Variants in MED28 observed in about 807,000 individuals in gnomAD.
MED28 encodes the protein mediator complex subunit 28.
MED28 carries 26 observed loss-of-function variants against 21.3 expected under a neutral mutation model. The observed-to-expected ratio is 1.22, with a 90% CI of 0.89 to 1.69. MED28 has a LOEUF of 1.69. Ranked by LOEUF, MED28 falls within the 40% of genes most tolerant of loss-of-function variation. MED28 has a pLI of 0.00. For synonymous variants in MED28, 110 were observed against 87.6 expected (o/e 1.26, Z -1.43); for missense variants, 257 against 215.4 (o/e 1.19, Z -1.21).
chr4:17,619,886 G>A lies in MED28; in HGVS notation c.160-15G>A, dbSNP rs377397580. 1.1e-4 allele frequency: 178 copies of A among 1,612,872 alleles called. No homozygotes were observed. In the South Asian group the frequency reaches 1.8e-3, roughly 16 times the overall value. On this transcript the variant is annotated splice_polypyrimidine_tract_variant and intron_variant, in intron 1 of 3. Transcript: ENST00000237380. ...TAAATGATATTTTTTTCTTTCCTAT[G>A]TTTTGATTACACAGGCTTGCTTTGC...
intron 2 of MED28, among the ~76,000 whole-genome samples, chr4:17,620,895 A>G (rs2108917239): frequency 6.6e-6 from 1 of 150,654 alleles, no homozygotes; most frequent in African/African-American, 2.4e-5. Context: ...TTTTGTGGAG[A>G]TGGGATCTTG....
At chr4:17,620,042 T>G (rs763966436) in intron 2 of MED28, 75 bp downstream of exon 2, 1 of 1,301,850 alleles carries the variant, frequency 7.7e-7, no homozygotes, top group Non-Finnish European at 1.1e-6. Context: ...ATACTTCATG[T>G]GTTTCAGTCC....
At chr4:17,621,171 G>T (rs1714618362) in intron 2 of MED28, among the ~76,000 whole-genome samples, 1 of 151,958 alleles carries the variant, frequency 6.6e-6, no homozygotes, top group East Asian at 1.9e-4. Flanking sequence ...GTTCCACCAC[G>T]CCCAGCTAAT....
Position 17,621,719 on chromosome 4 carries a change from C to G in MED28, c.339+20C>G. On this transcript the variant is annotated intron_variant, in intron 3 of 3. Transcript: ENST00000237380. ...AAAGAGGTATGAACTCAGTTTTCTCCTCAGCTCTATAGGAAGAACTAAGTG... is the reference window on the plus strand; with the variant it reads ...AAAGAGGTATGAACTCAGTTTTCTCGTCAGCTCTATAGGAAGAACTAAGTG... The G allele has an allele frequency of 6.6e-7, 1 of 1,508,152 alleles. No individual in the cohort carries two copies. Among genetic ancestry groups the G allele is most frequent in the Non-Finnish European group, 9.2e-7 (1 of 1,089,928 alleles). The allele number at this position is 1,508,152 out of a possible 1,614,324, so 93.4% of individuals were successfully genotyped here.
intron 3 of MED28, among the ~76,000 whole-genome samples, chr4:17,622,481 T>A (rs1468617993): frequency 6.6e-6 from 1 of 152,202 alleles, no homozygotes; most frequent in Non-Finnish European, 1.5e-5. Flanking sequence ...CAAGACTGGA[T>A]GGTTAGTAAA....
At position 17,614,681 on chromosome 4, in the gene MED28, T is replaced by C. The variant is rs770020452; in HGVS notation, c.27T>C (p.Phe9=). Residue 9 remains phenylalanine (F), a synonymous_variant, in exon 1 of 4, where the codon TTT becomes TTC. Coordinates refer to ENST00000237380, the MANE Select transcript of MED28 (RefSeq NM_025205.5). Reference sequence around the variant, plus strand: ...TGGCGGCTCCACTAGGGGGTATGTTTTCTGGGCAGCCACCCGGTCCCCCTC... The same window carrying C: ...TGGCGGCTCCACTAGGGGGTATGTTCTCTGGGCAGCCACCCGGTCCCCCTC... MAAPLGGM[F]SGQPPGPPQA... 6.2e-7 allele frequency: 1 copy of C among 1,613,396 alleles called. No individual in the cohort carries two copies. The highest frequency in any genetic ancestry group is 8.5e-7 in the Non-Finnish European group (1 of 1,179,880).
chr4:17,618,923 C>T (rs1265731560), intron 1 of MED28, among the ~76,000 whole-genome samples: 3 of 152,220 alleles, frequency 2.0e-5, no homozygotes, highest in Non-Finnish European at 4.4e-5. Flanking sequence ...GCGGGAGCTG[C>T]AGGCAGGCAG....
intron 3 of MED28, among the ~76,000 whole-genome samples, chr4:17,621,902 C>CA (rs1714646987): frequency 6.6e-6 from 1 of 152,196 alleles, no homozygotes; most frequent in South Asian, 2.1e-4. Context: ...AGCAGAGTGT[C>CA]AGACGGAACA....
rs1368949825 is a variant in MED28, at chr4:17,623,667, C to T, written c.406C>T (p.Leu136=). ...ACTAGTCCAGAAGCACTTGACAAAGCTGAGGCATTGGCAGCAGGTGCTGGA... is the reference window on the plus strand; with the variant it reads ...ACTAGTCCAGAAGCACTTGACAAAGTTGAGGCATTGGCAGCAGGTGCTGGA... ...DALVQKHLTK[L]RHWQQVLEDI... Residue 136 remains leucine, a synonymous_variant, in exon 4 of 4, where the codon CTG becomes TTG. Coordinates refer to ENST00000237380, the MANE Select transcript of MED28 (RefSeq NM_025205.5). The T allele has an allele frequency of 6.2e-7, 1 of 1,614,104 alleles. No individual in the cohort carries two copies. Among genetic ancestry groups the T allele is most frequent in the African/African-American group, 1.3e-5 (1 of 74,944 alleles).
intron 3 of MED28, among the ~76,000 whole-genome samples, chr4:17,622,029 C>CT (rs771945466): frequency 1.1e-4 from 17 of 152,332 alleles, no homozygotes; most frequent in Admixed American, 2.6e-4. Flanking sequence ...TGGACAAAAA[C>CT]TGAGATCTGT....
rs768635617 is a variant in MED28, at chr4:17,619,938, A to G, written c.197A>G (p.Asn66Ser). 59 of 1,614,046 alleles carry G rather than the reference A, an allele frequency of 3.7e-5. No homozygotes were observed. The highest frequency in any genetic ancestry group is 8.0e-5 in the African/African-American group (6 of 74,922). The change falls in exon 2 of 4, where the codon AAT (asparagine) becomes AGT (serine). Residue 66 changes from asparagine to serine, a missense_variant. Asn to Ser is a conservative substitution (Grantham distance 46, BLOSUM62 1). Transcript: ENST00000237380. Reference sequence around the variant, plus strand: ...TCTCTGGTGAGTCAGGACTATGTCAATGGCACCGATCAGGAAGAAATTCGA... The same window carrying G: ...TCTCTGGTGAGTCAGGACTATGTCAGTGGCACCGATCAGGAAGAAATTCGA... ...FASLVSQDYVNGTDQEEIRTG... is the reference protein window; with the variant it reads ...FASLVSQDYVSGTDQEEIRTG...
At position 17,630,825 on chromosome 4, in the gene MED28, CTTTCTA is replaced by C. The variant is rs1321169094; in HGVS notation, c.*7034_*7039del. The C allele has an allele frequency of 2.6e-5, 4 of 151,262 alleles. No homozygotes were observed. The highest frequency in any genetic ancestry group is 4.9e-5 in the African/African-American group (2 of 41,104). The allele number at this position is 151,262 out of a possible 1,614,324, so 9.4% of individuals were successfully genotyped here. ...GTGATTGAGGTTAATGTGAACTGAA[CTTTCTA>C]TTTCTAAGCTGTCTTCATCTAATTT... On this transcript the variant is annotated 3_prime_UTR_variant, in exon 4 of 4. Transcript: ENST00000237380.
In MED28 at chr4:17,631,504, C is replaced by T. The variant is rs1426425091; in HGVS notation, c.*7706C>T. 6.6e-6 allele frequency: 1 copy of T among 152,130 alleles called. No individual in the cohort carries two copies. Among genetic ancestry groups the T allele is most frequent in the Non-Finnish European group, 1.5e-5 (1 of 68,026 alleles). 9.4% of individuals were successfully genotyped at this position (152,130 alleles called of 1,614,324 possible). A position where few individuals can be genotyped will look rare whatever the true frequency, so the allele number is the denominator to read the frequency against. ...TTCAAAGAACAGATAATCTAGAGACCTTCACAAGTGATCATGTTGGCACTA... is the reference window on the plus strand; with the variant it reads ...TTCAAAGAACAGATAATCTAGAGACTTTCACAAGTGATCATGTTGGCACTA... On this transcript the variant is annotated 3_prime_UTR_variant, in exon 4 of 4. Coordinates refer to ENST00000237380, the MANE Select transcript of MED28 (RefSeq NM_025205.5).
intron 1 of MED28, 94 bp downstream of exon 1, chr4:17,614,907 A>G (rs1391787263): frequency 5.0e-6 from 7 of 1,395,196 alleles, no homozygotes; most frequent in South Asian, 2.9e-5. Flanking sequence ...GATCCGAGCA[A>G]CTAATTCACA....
At chr4:17,620,096 A>C (rs1056632315) in intron 2 of MED28, 129 bp downstream of exon 2, 2 of 804,250 alleles carry the variant, frequency 2.5e-6, no homozygotes, top group Non-Finnish European at 4.2e-6. Flanking sequence ...AAATGTGTGC[A>C]CATAATCTCT....
At position 17,626,215 on chromosome 4, in the gene MED28, C is replaced by T. The variant is rs568579433; in HGVS notation, c.*2417C>T. 6.5e-6 allele frequency: 1 copy of T among 152,816 alleles called. No individual in the cohort carries two copies. The highest frequency in any genetic ancestry group is 2.4e-5 in the African/African-American group (1 of 41,536). The allele number at this position is 152,816 out of a possible 1,614,324, so 9.5% of individuals were successfully genotyped here. ...TCGTGCCATTGCACTCCATCCTGGGCTACAAGAGTGAAACTCCGTCTCAAA... is the reference window on the plus strand; with the variant it reads ...TCGTGCCATTGCACTCCATCCTGGGTTACAAGAGTGAAACTCCGTCTCAAA... On this transcript the variant is annotated 3_prime_UTR_variant, in exon 4 of 4. Transcript: ENST00000237380.
Position 17,624,038 on chromosome 4 carries a change from G to C in MED28, c.*240G>C. 2.0e-6 allele frequency: 1 copy of C among 506,952 alleles called. No individual in the cohort carries two copies. The highest frequency in any genetic ancestry group is 3.5e-6 in the Non-Finnish European group (1 of 282,532). 31.4% of individuals were successfully genotyped at this position (506,952 alleles called of 1,614,324 possible). On this transcript the variant is annotated 3_prime_UTR_variant, in exon 4 of 4. Transcript: ENST00000237380. ...GTATTTTTTTTTTGTCTTTAGCAAA[G>C]TTTAGACTGTGAATATGATGACACA...
intron 1 of MED28, among the ~76,000 whole-genome samples, chr4:17,618,033 A>G (rs1389120278): frequency 1.8e-5 from 2 of 111,504 alleles, no homozygotes; most frequent in Non-Finnish European, 3.5e-5. Context: ...TTTTTTTGAG[A>G]CAGAGTCTCA....
Position 17,632,648 on chromosome 4 carries a change from T to C in MED28, c.*8850T>C. The C allele has an allele frequency of 6.7e-7, 1 of 1,485,982 alleles. No individual in the cohort carries two copies. Among genetic ancestry groups the C allele is most frequent in the African/African-American group, 1.4e-5 (1 of 71,670 alleles). 92.0% of individuals were successfully genotyped at this position (1,485,982 alleles called of 1,614,324 possible). On this transcript the variant is annotated 3_prime_UTR_variant, in exon 4 of 4. Transcript: ENST00000237380. ...GTCCTAAAAGCAAAAAAAGGTTTTT[T>C]TATATGGTTTTGAAAACTATGCAAG...
Sources: allele counts gnomAD v4.1 joint callset (sites outside exome capture counted in the v4.1 genomes callset), GRCh38; gene constraint gnomAD v4.1.1; transcripts MANE v1.5; gene names NCBI Gene and HGNC (gene_info 2026-07-23, HGNC 2026-07-21).